The following SH3D19 variants were observed in gnomAD, a reference collection of about 807,000 sequenced individuals.
The protein encoded by SH3D19 is SH3 domain containing 19, also known as SH3 domain-containing protein 19.
A neutral mutation model predicts 112.1 loss-of-function variants in SH3D19; 58 were observed. The observed-to-expected ratio is 0.52, with a 90% CI of 0.42 to 0.64. The LOEUF is 0.64. SH3D19 is among the 30% of genes least tolerant of loss of function. The probability of loss-of-function intolerance (pLI) is 0.00; values close to 1 mark genes in which losing one functional copy is unlikely to be tolerated. For synonymous variants in SH3D19, 391 were observed against 448.5 expected (o/e 0.87, Z 1.62); for missense variants, 1,090 against 1,263.4 (o/e 0.86, Z 2.08).
chr4:151,123,003 C>G (rs1258302958), intron 19 of SH3D19, among the ~76,000 whole-genome samples: 1 of 152,026 alleles, frequency 6.6e-6, no homozygotes, highest in East Asian at 1.9e-4. Context: ...AGGTGCCTGC[C>G]ACCACGTCCA....
At chr4:151,239,417 T>G (rs1204531214) in intron 1 of SH3D19, among the ~76,000 whole-genome samples, 1 of 152,208 alleles carries the variant, frequency 6.6e-6, no homozygotes, top group Non-Finnish European at 1.5e-5. Flanking sequence ...GTTTTTGTTT[T>G]TTTTTAGGGG....
intron 1 of SH3D19, among the ~76,000 whole-genome samples, chr4:151,235,931 G>C (rs184855485): frequency 1.3e-5 from 2 of 152,140 alleles, no homozygotes; most frequent in African/African-American, 4.8e-5. Flanking sequence ...AGTCATCTCC[G>C]TGTCCAGCAC....
intron 8 of SH3D19, among the ~76,000 whole-genome samples, chr4:151,161,632 A>ATT (rs1193478874): frequency 4.3e-5 from 6 of 141,086 alleles, no homozygotes; most frequent in African/African-American, 1.6e-4. Flanking sequence ...ATATATATAT[A>ATT]TATATATATT....
At chr4:151,179,837 T>G (rs1760562653) in intron 3 of SH3D19, among the ~76,000 whole-genome samples, 1 of 152,248 alleles carries the variant, frequency 6.6e-6, no homozygotes, top group Non-Finnish European at 1.5e-5. Context: ...GGTCAAATTT[T>G]CATCTTTTGT....
Position 151,127,650 on chromosome 4 carries a change from G to A in SH3D19, c.2995C>T (p.Arg999Ter), listed in dbSNP as rs756777738. Residue 999 changes from arginine (R) to a stop codon, truncating the protein, a stop_gained, in exon 19 of 20, where the codon CGA becomes TGA. Coordinates refer to ENST00000604030, the MANE Select transcript of SH3D19 (RefSeq NM_001378122.1). LOFTEE classifies it high-confidence loss of function. ...GAAAGTTCATCTTCATTCTCCCCTCGGAAATCATATAAGGCTTTGGCCTTC... is the reference window on the plus strand; with the variant it reads ...GAAAGTTCATCTTCATTCTCCCCTCAGAAATCATATAAGGCTTTGGCCTTC... ...GRKAKALYDF[R>*]GENEDELSFK... 21 of 1,604,988 alleles carry A rather than the reference G, an allele frequency of 1.3e-5. No individual in the cohort carries two copies. The highest frequency in any genetic ancestry group is 1.0e-4 in the South Asian group (9 of 89,308).
chr4:151,269,638 T>G (rs1773090680), intron 1 of SH3D19, among the ~76,000 whole-genome samples: 1 of 152,136 alleles, frequency 6.6e-6, no homozygotes, highest in African/African-American at 2.4e-5. Context: ...TAATAATAAA[T>G]TAATCTCTGC....
At chr4:151,243,214 A>G (rs1434416573) in intron 1 of SH3D19, among the ~76,000 whole-genome samples, 2 of 152,242 alleles carry the variant, frequency 1.3e-5, no homozygotes, top group Non-Finnish European at 2.9e-5. Context: ...GAGCTGCAAT[A>G]AAGAATCTGT....
intron 14 of SH3D19, 44 bp from the exon 15 acceptor site, chr4:151,135,176 T>G: frequency 6.7e-7 from 1 of 1,481,658 alleles, no homozygotes; most frequent in Non-Finnish European, 9.2e-7. Context: ...TTTTTTCAGA[T>G]TTTCATAAGA....
chr4:151,132,411 G>T, intron 16 of SH3D19, 28 bp from the exon 17 acceptor site: 1 of 1,605,564 alleles, frequency 6.2e-7, no homozygotes, highest in East Asian at 2.2e-5. Context: ...ACAAACACAA[G>T]AAGTCAGAAC....
At chr4:151,278,957 T>C (rs983631635) in intron 1 of SH3D19, 1 of 220,152 alleles carries the variant, frequency 4.5e-6, no homozygotes, top group East Asian at 1.1e-4. Flanking sequence ...CATTTGTCTA[T>C]TGGTTCATTT....
chr4:151,315,034 C>T (rs1044795036), intron 1 of SH3D19, among the ~76,000 whole-genome samples: 9 of 152,130 alleles, frequency 5.9e-5, no homozygotes, highest in African/African-American at 2.2e-4. Context: ...TAGGTGGGTA[C>T]ATTGCCACAT....
intron 1 of SH3D19, among the ~76,000 whole-genome samples, chr4:151,270,052 C>CTT (rs946453553): frequency 1.7e-4 from 25 of 151,490 alleles, no homozygotes; most frequent in Non-Finnish European, 2.9e-5. Context: ...AGCTGTTTTG[C>CTT]AGTTAACTTT....
chr4:151,194,888 C>A (rs1292288949), intron 2 of SH3D19, among the ~76,000 whole-genome samples: 1 of 150,116 alleles, frequency 6.7e-6, no homozygotes, highest in Non-Finnish European at 1.5e-5. Flanking sequence ...GAGTTCGAGA[C>A]CAGCCTAGCC....
At chr4:151,150,240 TATATATATATACACACATATATATAC>T (rs1754746985) in intron 9 of SH3D19, among the ~76,000 whole-genome samples, 2 of 39,258 alleles carry the variant, frequency 5.1e-5, no homozygotes, top group African/African-American at 8.9e-5. Flanking sequence ...CACACACACA[TATATATATATACACACATATATATAC>T]ATATATATAC....
At chr4:151,180,597 G>T (rs1465819068) in intron 3 of SH3D19, among the ~76,000 whole-genome samples, 1 of 150,802 alleles carries the variant, frequency 6.6e-6, no homozygotes, top group Admixed American at 6.6e-5. Flanking sequence ...TAGTAGATAC[G>T]GGGTTTCACC....
intron 1 of SH3D19, among the ~76,000 whole-genome samples, chr4:151,294,488 G>A (rs763605680): frequency 6.6e-6 from 1 of 152,228 alleles, no homozygotes; most frequent in Non-Finnish European, 1.5e-5. Context: ...TCACTACTGG[G>A]TGGATGCACC....
intron 1 of SH3D19, among the ~76,000 whole-genome samples, chr4:151,296,665 G>C (rs1775738424): frequency 1.3e-5 from 2 of 152,116 alleles, no homozygotes; most frequent in African/African-American, 4.8e-5. Context: ...TAAATTTGCA[G>C]AATATTTTAT....
chr4:151,232,904 C>A (rs1673223814), intron 1 of SH3D19, among the ~76,000 whole-genome samples: 1 of 152,144 alleles, frequency 6.6e-6, no homozygotes, highest in Admixed American at 6.5e-5. Flanking sequence ...ATGAGTATCC[C>A]CAGACCCATT....
intron 1 of SH3D19, among the ~76,000 whole-genome samples, chr4:151,261,797 AGATAG>A (rs1357252233): frequency 6.6e-6 from 1 of 152,216 alleles, no homozygotes; most frequent in Non-Finnish European, 1.5e-5. Flanking sequence ...ATGAATTTAG[AGATAG>A]GATAGTTCTG....
Sources: gnomAD v4.1 joint callset for allele counts (sites outside exome capture counted in the v4.1 genomes callset) on GRCh38, gnomAD v4.1.1 for gene constraint, MANE v1.5 for transcripts, NCBI Gene and HGNC (gene_info 2026-07-23, HGNC 2026-07-21) for gene names.